The following MAST3 variants were observed in gnomAD, a reference collection of about 807,000 sequenced individuals.
The protein encoded by MAST3 is microtubule-associated serine/threonine-protein kinase 3.
A neutral mutation model predicts 127.0 loss-of-function variants in MAST3; 43 were observed. The ratio of observed to expected loss-of-function variants is 0.34; its 90% CI spans 0.27 to 0.44. The LOEUF (loss-of-function observed/expected upper bound fraction) is 0.44, where lower values mean the gene tolerates loss of function less well. Ranked by LOEUF, MAST3 falls within the 20% of genes least tolerant of loss-of-function variation. MAST3 has a pLI of 1.00. For synonymous variants in MAST3, 785 were observed against 809.2 expected (o/e 0.97, Z 0.51); for missense variants, 1,390 against 1,919.1 (o/e 0.72, Z 5.15).
At position 18,149,626 on chromosome 19, in the gene MAST3, C is replaced by T. The variant is rs781277532; in HGVS notation, c.3944C>T (p.Pro1315Leu). Residue 1315 changes from proline (P) to leucine (L), a missense_variant, in exon 28 of 28, where the codon CCG becomes CTG. Transcript: ENST00000687212. The surrounding 1 kb of genome is among the most constrained non-coding windows in gnomAD (Gnocchi z 5.9). ...EAVQEVSFDE[P>L]QEEATGLPTS... ...GTGCAGGAGGTTAGCTTCGATGAGC[C>T]GCAGGAGGAGGCCACTGGGCTGCCC... 8 of 1,613,064 alleles carry T rather than the reference C, an allele frequency of 5.0e-6. No homozygotes were observed. The highest frequency in any genetic ancestry group is 5.1e-6 in the Non-Finnish European group (6 of 1,179,868).
In MAST3 at chr19:18,110,555, C is replaced by T; in HGVS notation, c.72-97C>T. On this transcript the variant is annotated intron_variant, in intron 2 of 27. Coordinates refer to ENST00000687212, the MANE Select transcript of MAST3 (RefSeq NM_001393504.1). The surrounding 1 kb of genome is among the most constrained non-coding windows in gnomAD (Gnocchi z 4.3). ...CAGAATCCCCGGTCTTGGGCCCCTA[C>T]TCCCTGAGGGAACCGCAGCCGCCAT... The T allele has an allele frequency of 1.2e-6, 1 of 850,546 alleles. No individual in the cohort carries two copies. Among genetic ancestry groups the T allele is most frequent in the Non-Finnish European group, 1.4e-6 (1 of 706,490 alleles). The allele number at this position is 850,546 out of a possible 1,614,324, so 52.7% of individuals were successfully genotyped here.
At position 18,145,926 on chromosome 19, in the gene MAST3, G is replaced by C; in HGVS notation, c.3162+61G>C. On this transcript the variant is annotated intron_variant, in intron 25 of 27. Transcript: ENST00000687212. The surrounding 1 kb of genome is among the most constrained non-coding windows in gnomAD (Gnocchi z 5.9). ...CAGCACCCCTTGGCCGCAGCTCCCG[G>C]TTCCCCGTGGTTCTCCGCGTCCAGA... The C allele has an allele frequency of 6.7e-7, 1 of 1,501,212 alleles. No individual in the cohort carries two copies. Among genetic ancestry groups the C allele is most frequent in the Non-Finnish European group, 8.8e-7 (1 of 1,132,908 alleles). 93.0% of individuals were successfully genotyped at this position (1,501,212 alleles called of 1,614,324 possible).
At chr19:18,098,891 C>T in intron 1 of MAST3, 1 of 440,540 alleles carries the variant, frequency 2.3e-6, no homozygotes, top group Non-Finnish European at 4.5e-6. Context: ...GGTGACCCCA[C>T]GGAGTGATCA....
intron 5 of MAST3, 41 bp downstream of exon 5, chr19:18,121,963 G>T (rs372809500): frequency 8.7e-6 from 14 of 1,610,016 alleles, no homozygotes; most frequent in African/African-American, 8.0e-5. Context: ...CGGGCACCAC[G>T]GGCAAGGGTT....
chr19:18,105,858 G>C (rs572314747), intron 1 of MAST3, among the ~76,000 whole-genome samples: 1 of 152,138 alleles, frequency 6.6e-6, no homozygotes, highest in East Asian at 1.9e-4. Flanking sequence ...TCACCCGTCA[G>C]CCGTCCTCCC....
rs1407169364 is a variant in MAST3 at position 18,114,200 on chromosome 19, T to C, written c.161+3459T>C. 2.6e-5 allele frequency among the ~76,000 whole-genome samples: 4 copies of C among 151,548 alleles called. No homozygotes were observed. In the East Asian group the frequency reaches 7.7e-4, roughly 29 times the overall value. Reference sequence around the variant, plus strand: ...CCAGGGATTTTCTTTTTCTTTTTTTTTTTTTTTAAGACAGTCTTGCTCTGT... The same window carrying C: ...CCAGGGATTTTCTTTTTCTTTTTTTCTTTTTTTAAGACAGTCTTGCTCTGT... On this transcript the variant is annotated intron_variant, in intron 3 of 27. Coordinates refer to ENST00000687212, the MANE Select transcript of MAST3 (RefSeq NM_001393504.1).
intron 1 of MAST3, 35 bp from the exon 2 acceptor site, chr19:18,107,552 C>T (rs767543772): frequency 5.6e-6 from 9 of 1,612,384 alleles, no homozygotes; most frequent in South Asian, 1.1e-5. Flanking sequence ...GGGCTAGTCT[C>T]TCTGAGAATG....
intron 3 of MAST3, among the ~76,000 whole-genome samples, chr19:18,117,290 C>T (rs1208504876): frequency 6.6e-6 from 1 of 152,198 alleles, no homozygotes; most frequent in African/African-American, 2.4e-5. Context: ...GAAGCGCCCC[C>T]TTACATCTGA....
chr19:18,146,661 G>T (rs1419219155), intron 25 of MAST3, among the ~76,000 whole-genome samples: 1 of 152,106 alleles, frequency 6.6e-6, no homozygotes, highest in African/African-American at 2.4e-5. Context: ...GGCCTCGATC[G>T]GCGTTGACCG....
At position 18,149,641 on chromosome 19, in the gene MAST3, C is replaced by T; in HGVS notation, c.3959C>T (p.Thr1320Ile). The T allele has an allele frequency of 1.2e-6, 2 of 1,613,272 alleles. No homozygotes were observed. Among genetic ancestry groups the T allele is most frequent in the Non-Finnish European group, 1.7e-6 (2 of 1,179,882 alleles). Reference protein sequence around the residue: ...VSFDEPQEEATGLPTSVPQIA... With the variant: ...VSFDEPQEEAIGLPTSVPQIA... ...TTCGATGAGCCGCAGGAGGAGGCCA[C>T]TGGGCTGCCCACCTCAGTGCCACAG... Residue 1320 changes from threonine (T) to isoleucine (I), a missense_variant, in exon 28 of 28, where the codon ACT becomes ATT. By Grantham distance (89) the Thr-to-Ile change is moderately conservative. Around this residue, in one of 5 missense-constraint regions of MAST3, gnomAD observed 816 missense variants for 934.1 expected, o/e 0.87. Coordinates refer to ENST00000687212, the MANE Select transcript of MAST3 (RefSeq NM_001393504.1). This position sits in a 1 kb window ranked among gnomAD's most constrained non-coding sequence, Gnocchi z 5.9.
At chr19:18,098,798 A>G in intron 1 of MAST3, 1 of 456,616 alleles carries the variant, frequency 2.2e-6, no homozygotes, top group Non-Finnish European at 4.4e-6. Context: ...CTGGCTCTGG[A>G]GAGGCAGCGG....
intron 15 of MAST3, among the ~76,000 whole-genome samples, chr19:18,133,847 C>T (rs2041604505): frequency 6.6e-6 from 1 of 152,070 alleles, no homozygotes; most frequent in Non-Finnish European, 1.5e-5. Flanking sequence ...AGCCACTGCG[C>T]CCGGCAAATG....
At chr19:18,148,966 G>A (rs540724780) in intron 27 of MAST3, among the ~76,000 whole-genome samples, 265 of 152,128 alleles carry the variant, frequency 1.7e-3, no homozygotes, top group Non-Finnish European at 2.8e-3. Flanking sequence ...AGGAGGCTGA[G>A]TTGTGAGGAT....
intron 15 of MAST3, among the ~76,000 whole-genome samples, chr19:18,132,388 A>G (rs1414664352): frequency 6.6e-6 from 1 of 152,202 alleles, no homozygotes; most frequent in African/African-American, 2.4e-5. Context: ...GCGCACCCAG[A>G]GCTGCTGCTG....
chr19:18,129,120 G>T, intron 13 of MAST3, 169 bp downstream of exon 13: 2 of 643,196 alleles, frequency 3.1e-6, no homozygotes, highest in South Asian at 1.8e-5. Context: ...ACACGCCATA[G>T]CGAGGTTACA....
Position 18,149,294 on chromosome 19 carries a change from C to A in MAST3, c.3612C>A (p.Ala1204=). 1 of 1,537,132 alleles carries A rather than the reference C, an allele frequency of 6.5e-7. No individual in the cohort carries two copies. The highest frequency in any genetic ancestry group is 8.7e-7 in the Non-Finnish European group (1 of 1,143,932). Residue 1204 remains alanine, a synonymous_variant, in exon 28 of 28, where the codon GCC becomes GCA. Transcript: ENST00000687212. This position sits in a 1 kb window ranked among gnomAD's most constrained non-coding sequence, Gnocchi z 5.9. Reference sequence around the variant, plus strand: ...CCAGCTCCCTGCACGGCCTGGCTGCCAAGCTTGGGCCACCCCGCCCCAAGA... The same window carrying A: ...CCAGCTCCCTGCACGGCCTGGCTGCAAAGCTTGGGCCACCCCGCCCCAAGA... ...TRPSSLHGLA[A]KLGPPRPKTG...
At chr19:18,113,932 C>T (rs552552890) in intron 3 of MAST3, among the ~76,000 whole-genome samples, 5 of 152,332 alleles carry the variant, frequency 3.3e-5, no homozygotes, top group African/African-American at 1.2e-4. Context: ...ATCCATCTCC[C>T]CGTCGCTCAC....
rs1460749173 is a variant in MAST3 at position 18,144,799 on chromosome 19, GGGA to G, written c.2812+114_2812+116del. On this transcript the variant is annotated intron_variant, in intron 23 of 27. Transcript: ENST00000687212. This position sits in a 1 kb window ranked among gnomAD's most constrained non-coding sequence, Gnocchi z 4.0. ...AGGCTGGGGATGAGCCCCAGAAGAG[GGGA>G]GGAGGAGTAGGACACATGGAGAGCT... 3 of 1,241,758 alleles carry G rather than the reference GGGA, an allele frequency of 2.4e-6. No individual in the cohort carries two copies. Among genetic ancestry groups the G allele is most frequent in the Non-Finnish European group, 3.5e-6 (3 of 866,598 alleles). 76.9% of individuals were successfully genotyped at this position (1,241,758 alleles called of 1,614,324 possible).
rs1291232377 is a variant in MAST3, at chr19:18,142,030, GA to G, written c.2339+17del. ...GCTGACATCCGGTAAGTGGCCTGGG[GA>G]AGTGTAGGCAGATCCAGCTTCCAAG... is the stretch of plus-strand genomic sequence containing the variant. On this transcript the variant is annotated intron_variant, in intron 21 of 27. Coordinates refer to ENST00000687212, the MANE Select transcript of MAST3 (RefSeq NM_001393504.1). The G allele has an allele frequency of 6.9e-7, 1 of 1,455,542 alleles. No individual in the cohort carries two copies. Among genetic ancestry groups the G allele is most frequent in the African/African-American group, 1.4e-5 (1 of 69,898 alleles). The allele number at this position is 1,455,542 out of a possible 1,614,324, so 90.2% of individuals were successfully genotyped here.
Sources: gnomAD v4.1 joint callset for allele counts (sites outside exome capture counted in the v4.1 genomes callset) on GRCh38, gnomAD v4.1.1 for gene constraint, gnomAD v4.1.1 regional missense constraint, Gnocchi (gnomAD v3.1) non-coding constraint, MANE v1.5 for transcripts, NCBI Gene and HGNC (gene_info 2026-07-23, HGNC 2026-07-21) for gene names.